PDSS2: variants seen among roughly 807,000 people sequenced by gnomAD.
PDSS2 encodes all trans-polyprenyl-diphosphate synthase PDSS2.
PDSS2 carries 31 observed loss-of-function variants against 44.5 expected under a neutral mutation model. The observed-to-expected ratio is 0.70, with a 90% confidence interval of 0.52 to 0.94. PDSS2 has a LOEUF of 0.94. PDSS2 is among the 40% of genes least tolerant of loss of function. The pLI, the probability that PDSS2 is intolerant of heterozygous loss-of-function variation, is 0.00. For missense variants in PDSS2, 452 were observed against 482.2 expected, an observed-to-expected ratio of 0.94 and a Z score of 0.59; for synonymous variants, 157 against 180.3, an observed-to-expected ratio of 0.87 and a Z score of 1.03.
At chr6:107,412,052 A>AT (rs1444757752) in intron 1 of PDSS2, among the ~76,000 whole-genome samples, 1 of 150,282 alleles carries the variant, frequency 6.7e-6, no homozygotes, top group East Asian at 2.0e-4. Flanking sequence ...CGCCCGGCTA[A>AT]TTTTTTTGTA....
intron 1 of PDSS2, among the ~76,000 whole-genome samples, chr6:107,450,193 T>G (rs1317284121): frequency 6.6e-6 from 1 of 152,248 alleles, no homozygotes; most frequent in East Asian, 1.9e-4. Flanking sequence ...TTTTTATTGT[T>G]GGGTAGCATT....
chr6:107,332,684 A>T (rs1346874921), intron 2 of PDSS2, among the ~76,000 whole-genome samples: 2 of 152,130 alleles, frequency 1.3e-5, no homozygotes, highest in Non-Finnish European at 2.9e-5. Context: ...AACTCTCCCC[A>T]TTACCAGTTG....
chr6:107,260,301 G>A (rs146174763), intron 3 of PDSS2, among the ~76,000 whole-genome samples: 1 of 152,238 alleles, frequency 6.6e-6, no homozygotes, highest in East Asian at 1.9e-4. Context: ...TTGCTCCTGG[G>A]CTAAGACCCT....
chr6:107,302,130 T>C (rs1776716165), intron 2 of PDSS2, among the ~76,000 whole-genome samples: 1 of 152,294 alleles, frequency 6.6e-6, no homozygotes, highest in South Asian at 2.1e-4. Flanking sequence ...TTAGAAAAGT[T>C]AGCCTTCAAT....
At chr6:107,401,980 T>C (rs551950559) in intron 1 of PDSS2, among the ~76,000 whole-genome samples, 1 of 151,986 alleles carries the variant, frequency 6.6e-6, no homozygotes, top group African/African-American at 2.4e-5. Flanking sequence ...CTGTCTCTAT[T>C]AAAAATACAA....
At chr6:107,338,370 G>A (rs916789223) in intron 1 of PDSS2, among the ~76,000 whole-genome samples, 1 of 152,208 alleles carries the variant, frequency 6.6e-6, no homozygotes, top group African/African-American at 2.4e-5. Flanking sequence ...GGCTAGCTTA[G>A]AAAATGGTAA....
intron 2 of PDSS2, among the ~76,000 whole-genome samples, chr6:107,328,709 G>T (rs1777625277): frequency 6.6e-6 from 1 of 152,172 alleles, no homozygotes; most frequent in African/African-American, 2.4e-5. Context: ...AATGGGTTCT[G>T]TAGTCAAATG....
At chr6:107,253,821 C>G (rs1040143016) in intron 3 of PDSS2, among the ~76,000 whole-genome samples, 1 of 151,992 alleles carries the variant, frequency 6.6e-6, no homozygotes, top group Non-Finnish European at 1.5e-5. Flanking sequence ...TTTGTTTAAA[C>G]AACAATTAGG....
chr6:107,274,263 G>A lies in PDSS2; in HGVS notation c.432-36C>T, dbSNP rs1482764595. 1.0e-5 allele frequency: 15 copies of A among 1,485,772 alleles called. No homozygotes were observed. In the South Asian group the frequency reaches 1.4e-4, roughly 13 times the overall value. The allele number at this position is 1,485,772 out of a possible 1,614,324, so 92.0% of individuals were successfully genotyped here. ...AAGGTAAGATTTGTTAGAATATCAA[G>A]AACACCATTTTATCACTAATGTCTG... On this transcript the variant is annotated intron_variant, in intron 2 of 7. Transcript: ENST00000369037.
At chr6:107,441,893 G>A (rs1285008304) in intron 1 of PDSS2, among the ~76,000 whole-genome samples, 2 of 152,150 alleles carry the variant, frequency 1.3e-5, no homozygotes, top group African/African-American at 4.8e-5. Context: ...ATTCACCCAT[G>A]AAGGAAATGA....
intron 2 of PDSS2, among the ~76,000 whole-genome samples, chr6:107,299,388 A>C (rs1334795412): frequency 6.6e-6 from 1 of 152,126 alleles, no homozygotes; most frequent in East Asian, 1.9e-4. Context: ...AAAGTTAAAA[A>C]ATGTTTTTAA....
intron 1 of PDSS2, among the ~76,000 whole-genome samples, chr6:107,451,868 GCCCTC>G (rs1213086265): frequency 6.6e-6 from 1 of 152,164 alleles, no homozygotes; most frequent in East Asian, 1.9e-4. Context: ...AGACTTTGTA[GCCCTC>G]AGGGCCTGGT....
chr6:107,390,851 C>T (rs1439813444), intron 1 of PDSS2, among the ~76,000 whole-genome samples: 1 of 152,062 alleles, frequency 6.6e-6, no homozygotes, highest in Non-Finnish European at 1.5e-5. Flanking sequence ...TGATGTATGA[C>T]CCAAGTCTAC....
chr6:107,167,615 A>C (rs1554247775), intron 7 of PDSS2, among the ~76,000 whole-genome samples: 1 of 152,160 alleles, frequency 6.6e-6, no homozygotes, highest in Non-Finnish European at 1.5e-5. Flanking sequence ...GTGGGCATTT[A>C]GTGCTATAAA....
At chr6:107,266,728 C>T (rs1168453489) in intron 3 of PDSS2, among the ~76,000 whole-genome samples, 1 of 152,104 alleles carries the variant, frequency 6.6e-6, no homozygotes, top group Admixed American at 6.6e-5. Context: ...TTTTCTTTTT[C>T]TTTTTCTAAA....
intron 2 of PDSS2, among the ~76,000 whole-genome samples, chr6:107,283,565 A>G (rs1160342165): frequency 6.6e-6 from 1 of 151,750 alleles, no homozygotes; most frequent in Non-Finnish European, 1.5e-5. Context: ...TACTAAAAAT[A>G]CAAAATTAGC....
chr6:107,420,314 A>G (rs763213164), intron 1 of PDSS2, among the ~76,000 whole-genome samples: 3 of 152,198 alleles, frequency 2.0e-5, no homozygotes, highest in Non-Finnish European at 4.4e-5. Context: ...GACAAGCTGG[A>G]GAGGTGCTAG....
At chr6:107,336,010 T>TGG (rs1408670652) in intron 1 of PDSS2, among the ~76,000 whole-genome samples, 21 of 33,854 alleles carry the variant, frequency 6.2e-4, no homozygotes, top group Admixed American at 1.4e-3. Flanking sequence ...ATGCCCGGGG[T>TGG]GGGGGGGGTG....
chr6:107,377,433 T>G (rs1298449024), intron 1 of PDSS2, among the ~76,000 whole-genome samples: 3 of 152,188 alleles, frequency 2.0e-5, no homozygotes, highest in Non-Finnish European at 4.4e-5. Context: ...TTTACACTGT[T>G]GGTGGGACTG....
Sources: allele counts gnomAD v4.1 joint callset (sites outside exome capture counted in the v4.1 genomes callset), GRCh38; gene constraint gnomAD v4.1.1; transcripts MANE v1.5; gene names NCBI Gene and HGNC (gene_info 2026-07-23, HGNC 2026-07-21).